The following ALPK2 variants were observed in gnomAD, a reference collection of about 807,000 sequenced individuals.
The protein encoded by ALPK2 is alpha kinase 2.
In ALPK2, 127 loss-of-function variants were observed where a neutral mutation model predicts 163.1. That is an observed-to-expected ratio of 0.78 (90% CI 0.67 to 0.90). The LOEUF (loss-of-function observed/expected upper bound fraction) is 0.90, where lower values mean the gene tolerates loss of function less well. Ranked by LOEUF, ALPK2 falls within the 40% of genes least tolerant of loss-of-function variation. The probability of loss-of-function intolerance (pLI) is 0.00; values close to 1 mark genes in which losing one functional copy is unlikely to be tolerated. For missense variants in ALPK2, 2,360 were observed against 2,589.6 expected (o/e 0.91, Z 1.92); for synonymous variants, 953 against 959.1 (o/e 0.99, Z 0.12).
chr18:58,618,495 C>T (rs1425687788), intron 1 of ALPK2, among the ~76,000 whole-genome samples: 1 of 152,198 alleles, frequency 6.6e-6, no homozygotes, highest in Admixed American at 6.5e-5. Flanking sequence ...ATCTCTCTGC[C>T]TCAGTCACTT....
intron 6 of ALPK2, among the ~76,000 whole-genome samples, chr18:58,527,259 A>G (rs1167675637): frequency 6.6e-6 from 1 of 152,268 alleles, no homozygotes; most frequent in Non-Finnish European, 1.5e-5. Flanking sequence ...GGAAGTAGGC[A>G]TGAGAGAAAT....
rs528104188 is a variant in ALPK2 at position 58,605,077 on chromosome 18, T to C, written c.227+2245A>G. Among the ~76,000 whole-genome samples, 7 of 152,318 alleles carry C rather than the reference T, an allele frequency of 4.6e-5. No individual in the cohort carries two copies. In the South Asian group the frequency reaches 1.5e-3, roughly 32 times the overall value. ...TGAGACTAAAATTAATCAGGAAATA[T>C]GTGTTGATTGCTCAGAGGAAAATAA... On this transcript the variant is annotated intron_variant, in intron 3 of 12. Coordinates refer to ENST00000361673, the MANE Select transcript of ALPK2 (RefSeq NM_052947.4).
chr18:58,535,757 T>C lies in ALPK2; in HGVS notation c.4430A>G (p.Gln1477Arg), dbSNP rs2051642030. 6.2e-7 allele frequency: 1 copy of C among 1,614,232 alleles called. No individual in the cohort carries two copies. Among genetic ancestry groups the C allele is most frequent in the Non-Finnish European group, 8.5e-7 (1 of 1,180,022 alleles). The change falls in exon 5 of 13, where the codon CAG becomes CGG. Residue 1477 changes from glutamine (Q) to arginine (R), a missense_variant. Gln to Arg is a conservative substitution (Grantham distance 43, BLOSUM62 1). Transcript: ENST00000361673. ...ISRSQEGSMK[Q>R]EAEQIQPEEA... ...CTCAGGTTGAATTTGTTCAGCCTCC[T>C]GCTTCATACTGCCTTCTTGGCTTCT...
chr18:58,494,653 C>A (rs35176031), intron 12 of ALPK2, among the ~76,000 whole-genome samples: 28 of 152,008 alleles, frequency 1.8e-4, no homozygotes, highest in Middle Eastern at 3.4e-3. Context: ...ACCAGCCCCC[C>A]CATAGAACTT....
chr18:58,512,408 G>A (rs997862009), intron 10 of ALPK2: 3 of 152,202 alleles, frequency 2.0e-5, no homozygotes, highest in Non-Finnish European at 4.4e-5. Flanking sequence ...CACATGCTCC[G>A]TTAAAAAAGG....
rs2051513979 is a variant in ALPK2, at chr18:58,515,066, T to G, written c.5956A>C (p.Asn1986His). 1 of 1,611,208 alleles carries G rather than the reference T, an allele frequency of 6.2e-7. No homozygotes were observed. Among genetic ancestry groups the G allele is most frequent in the Admixed American group, 1.7e-5 (1 of 59,762 alleles). ...ATCTTGGCATAATACCTGGCAGTATTTTGAACATAGCATTCCTATATCGCC... is the reference window on the plus strand; with the variant it reads ...ATCTTGGCATAATACCTGGCAGTATGTTGAACATAGCATTCCTATATCGCC... The part of the protein sequence containing the change: ...KLAAQECYVQ[N>H]TARYYAKIYA... The change falls in exon 10 of 13, where the codon AAT becomes CAT. Residue 1986 changes from asparagine (N) to histidine (H), a missense_variant. By Grantham distance (68) the Asn-to-His change is moderately conservative. Coordinates refer to ENST00000361673, the MANE Select transcript of ALPK2 (RefSeq NM_052947.4).
At chr18:58,492,620 A>G (rs1394885071) in intron 12 of ALPK2, among the ~76,000 whole-genome samples, 2 of 152,146 alleles carry the variant, frequency 1.3e-5, no homozygotes, top group African/African-American at 4.8e-5. Flanking sequence ...CGAATCTACC[A>G]GACTTCTCTA....
At chr18:58,571,953 G>A (rs969801485) in intron 4 of ALPK2, among the ~76,000 whole-genome samples, 1 of 129,412 alleles carries the variant, frequency 7.7e-6, no homozygotes, top group Non-Finnish European at 1.6e-5. Flanking sequence ...TCCAGCCTAG[G>A]TGACAGAGGT....
At chr18:58,602,695 G>A (rs948665841) in intron 3 of ALPK2, among the ~76,000 whole-genome samples, 1 of 152,160 alleles carries the variant, frequency 6.6e-6, no homozygotes, top group Non-Finnish European at 1.5e-5. Flanking sequence ...GGTAAACTAA[G>A]GCTGAGACCT....
At chr18:58,594,375 G>C (rs2052031060) in intron 3 of ALPK2, among the ~76,000 whole-genome samples, 1 of 152,124 alleles carries the variant, frequency 6.6e-6, no homozygotes, top group Non-Finnish European at 1.5e-5. Flanking sequence ...AAGTTATCCA[G>C]AAACAATTTC....
intron 1 of ALPK2, among the ~76,000 whole-genome samples, chr18:58,622,486 A>T (rs2052207134): frequency 6.6e-6 from 1 of 152,214 alleles, no homozygotes. Context: ...TTAGTGACAG[A>T]GTCCAGGTTT....
rs1351665261 is a variant in ALPK2 at position 58,537,287 on chromosome 18, C to T, written c.2900G>A (p.Ser967Asn). ...KEGGDKSPSPSAADTTATPAS... is the reference protein window; with the variant it reads ...KEGGDKSPSPNAADTTATPAS... ...TGGTGTGGCTGTGGTGTCTGCGGCA[C>T]TAGGACTGGGGCTCTTGTCACCTCC... The change falls in exon 5 of 13, where the codon AGT (serine) becomes AAT (asparagine). Residue 967 changes from serine to asparagine, a missense_variant. Physicochemically the swap from Ser to Asn is conservative, Grantham distance 46 (BLOSUM62 1). Coordinates refer to ENST00000361673, the MANE Select transcript of ALPK2 (RefSeq NM_052947.4). 1 of 1,614,220 alleles carries T rather than the reference C, an allele frequency of 6.2e-7. No homozygotes were observed. The highest frequency in any genetic ancestry group is 8.5e-7 in the Non-Finnish European group (1 of 1,180,036).
In ALPK2 at chr18:58,517,196, C is replaced by T. The variant is rs759292846; in HGVS notation, c.5666-14G>A. 2 of 1,609,698 alleles carry T rather than the reference C, an allele frequency of 1.2e-6. No individual in the cohort carries two copies. Among genetic ancestry groups the T allele is most frequent in the Admixed American group, 1.7e-5 (1 of 59,944 alleles). The stretch of plus-strand genomic sequence containing the variant: ...TCTCTTCACATCCTGAAACACAGCA[C>T]AGCTTTGGTTGGAAAGAATACCTCC... On this transcript the variant is annotated splice_polypyrimidine_tract_variant and intron_variant, in intron 8 of 12. Coordinates refer to ENST00000361673, the MANE Select transcript of ALPK2 (RefSeq NM_052947.4).
intron 5 of ALPK2, among the ~76,000 whole-genome samples, chr18:58,529,698 T>C (rs192972391): frequency 6.6e-6 from 1 of 152,322 alleles, no homozygotes; most frequent in East Asian, 1.9e-4. Context: ...ACCTCAACAA[T>C]AGGTTATTGG....
At chr18:58,509,069 G>A (rs2051476208) in intron 10 of ALPK2, among the ~76,000 whole-genome samples, 1 of 122,022 alleles carries the variant, frequency 8.2e-6, no homozygotes, top group South Asian at 2.5e-4. Flanking sequence ...CATGTGTGAT[G>A]TTCCCCTTCC....
intron 8 of ALPK2, among the ~76,000 whole-genome samples, chr18:58,523,565 C>T (rs1171013323): frequency 6.6e-6 from 1 of 152,212 alleles, no homozygotes; most frequent in Admixed American, 6.5e-5. Context: ...TCCACATCCT[C>T]TCCAGCACCT....
rs1223433068 is a variant in ALPK2, at chr18:58,514,999, A to G, written c.6023T>C (p.Val2008Ala). 2 of 1,611,734 alleles carry G rather than the reference A, an allele frequency of 1.2e-6. No individual in the cohort carries two copies. Among genetic ancestry groups the G allele is most frequent in the Non-Finnish European group, 1.7e-6 (2 of 1,178,824 alleles). Residue 2008 changes from valine (V) to alanine (A), a missense_variant, in exon 10 of 13, where the codon GTA becomes GCA. By Grantham distance (64) the Val-to-Ala change is moderately conservative. Transcript: ENST00000361673. ...EAQPLEGFGE[V>A]PEIIPIFLIH... ...GCAGGGTAAACACACTTACTCAGGT[A>G]CTTCTCCAAAGCCTTCCAGAGGCTG... is the stretch of plus-strand genomic sequence containing the variant.
At position 58,536,433 on chromosome 18, in the gene ALPK2, G is replaced by C. The variant is rs757636331; in HGVS notation, c.3754C>G (p.Arg1252Gly). Residue 1252 changes from arginine to glycine, a missense_variant, in exon 5 of 13, where the codon CGA (arginine) becomes GGA (glycine). Coordinates refer to ENST00000361673, the MANE Select transcript of ALPK2 (RefSeq NM_052947.4). ...EASASEIWPP[R>G]QLTNSESKAS... is the part of the protein sequence containing the mutation. ...TTGCTCTCAGAATTTGTCAGTTGTC[G>C]TGGTGGCCAGATTTCAGAAGCGGAA... The C allele has an allele frequency of 6.2e-7, 1 of 1,614,116 alleles. No individual in the cohort carries two copies.
Position 58,535,887 on chromosome 18 carries a change from C to G in ALPK2, c.4300G>C (p.Gly1434Arg), listed in dbSNP as rs1341435604. The G allele has an allele frequency of 6.2e-7, 1 of 1,614,058 alleles. No individual in the cohort carries two copies. Among genetic ancestry groups the G allele is most frequent in the African/African-American group, 1.3e-5 (1 of 74,934 alleles). The change falls in exon 5 of 13, where the codon GGT becomes CGT. Residue 1434 changes from glycine (G) to arginine (R), a missense_variant. Transcript: ENST00000361673. ...CCCATGTTTCCGTCATTTGATTGAC[C>G]CCCTTCTCTGGCGCCCTGTGGTGTG... ...ETTPQGAREGGQSNDGNMGHE... is the reference protein window; with the variant it reads ...ETTPQGAREGRQSNDGNMGHE...
Sources: allele counts gnomAD v4.1 joint callset (sites outside exome capture counted in the v4.1 genomes callset), GRCh38; gene constraint gnomAD v4.1.1; transcripts MANE v1.5; gene names NCBI Gene and HGNC (gene_info 2026-07-23, HGNC 2026-07-21).